The following STK39 variants were observed in gnomAD, a reference collection of about 807,000 sequenced individuals.
STK39 encodes STE20/SPS1-related proline-alanine-rich protein kinase.
A neutral mutation model predicts 77.8 loss-of-function variants in STK39; 20 were observed. That is an observed-to-expected ratio of 0.26 (90% CI 0.18 to 0.37). The LOEUF (loss-of-function observed/expected upper bound fraction) is 0.37. STK39 is among the 10% of genes least tolerant of loss of function. The pLI is 1.00. For missense variants in STK39, 479 were observed against 656.5 expected (o/e 0.73, Z 2.95); for synonymous variants, 246 against 234.1 (o/e 1.05, Z -0.47).
intron 14 of STK39, among the ~76,000 whole-genome samples, chr2:168,046,906 G>A (rs1404808159): frequency 6.6e-6 from 1 of 152,086 alleles, no homozygotes; most frequent in African/African-American, 2.4e-5. Flanking sequence ...GATGGGAAGG[G>A]AAGATCTGAC....
chr2:168,100,742 CTT>C (rs1387035219), intron 10 of STK39, among the ~76,000 whole-genome samples: 1 of 152,184 alleles, frequency 6.6e-6, no homozygotes, highest in Non-Finnish European at 1.5e-5. Flanking sequence ...AGTAGGAACT[CTT>C]TTACACTGTT....
intron 8 of STK39, among the ~76,000 whole-genome samples, chr2:168,131,124 T>C (rs1687686644): frequency 6.6e-6 from 1 of 152,182 alleles, no homozygotes; most frequent in Admixed American, 6.5e-5. Flanking sequence ...TTATAAGAAA[T>C]GCAAGCTAAA....
At chr2:168,188,589 T>C (rs559435919) in intron 1 of STK39, among the ~76,000 whole-genome samples, 25 of 152,184 alleles carry the variant, frequency 1.6e-4, no homozygotes, top group Non-Finnish European at 2.9e-4. Flanking sequence ...AAGTGTGAAA[T>C]TGCCATTTTT....
intron 1 of STK39, among the ~76,000 whole-genome samples, chr2:168,236,520 C>T (rs1424818584): frequency 6.6e-6 from 1 of 152,118 alleles, no homozygotes; most frequent in Non-Finnish European, 1.5e-5. Context: ...ACATGAAGTC[C>T]TTGCCCATGC....
At chr2:167,966,943 T>C (rs1180325912) in intron 16 of STK39, among the ~76,000 whole-genome samples, 1 of 152,216 alleles carries the variant, frequency 6.6e-6, no homozygotes, top group Admixed American at 6.5e-5. Context: ...TCTTTTCCAG[T>C]AGCAATGCTC....
At chr2:168,158,112 T>C (rs1163176932) in intron 5 of STK39, among the ~76,000 whole-genome samples, 1 of 152,148 alleles carries the variant, frequency 6.6e-6, no homozygotes, top group African/African-American at 2.4e-5. Context: ...TAAAATGCTA[T>C]GCCGTGGGAA....
chr2:168,212,715 A>G (rs1239698043), intron 1 of STK39, among the ~76,000 whole-genome samples: 1 of 152,194 alleles, frequency 6.6e-6, no homozygotes, highest in Non-Finnish European at 1.5e-5. Context: ...TTTTGTAAAC[A>G]GTAAATTATA....
At chr2:168,201,506 C>T (rs1394408313) in intron 1 of STK39, among the ~76,000 whole-genome samples, 1 of 152,192 alleles carries the variant, frequency 6.6e-6, no homozygotes, top group African/African-American at 2.4e-5. Context: ...CGGCCTCACA[C>T]CCCTCAAACC....
At chr2:168,178,640 C>CA (rs1272251668) in intron 2 of STK39, among the ~76,000 whole-genome samples, 1 of 152,184 alleles carries the variant, frequency 6.6e-6, no homozygotes, top group African/African-American at 2.4e-5. Flanking sequence ...TTACAGTACT[C>CA]ATTTCAACAG....
chr2:168,157,594 G>A (rs558284509), intron 5 of STK39, among the ~76,000 whole-genome samples: 2 of 152,162 alleles, frequency 1.3e-5, no homozygotes, highest in South Asian at 2.1e-4. Context: ...CCTTCTGTTC[G>A]TGTCCTCACA....
At chr2:168,172,180 T>C (rs1688845727) in intron 2 of STK39, among the ~76,000 whole-genome samples, 1 of 152,216 alleles carries the variant, frequency 6.6e-6, no homozygotes, top group South Asian at 2.1e-4. Flanking sequence ...TCAAAGTTAA[T>C]TCAGTCTGTT....
intron 5 of STK39, among the ~76,000 whole-genome samples, chr2:168,141,254 G>A (rs1266943323): frequency 1.3e-5 from 2 of 152,148 alleles, no homozygotes; most frequent in African/African-American, 4.8e-5. Context: ...TGAGCATCCG[G>A]AAATGCTTGC....
chr2:168,111,245 T>C (rs1213320066), intron 10 of STK39, among the ~76,000 whole-genome samples: 1 of 152,218 alleles, frequency 6.6e-6, no homozygotes, highest in African/African-American at 2.4e-5. Context: ...TTGTTATTCA[T>C]ACCTTTATCA....
intron 7 of STK39, among the ~76,000 whole-genome samples, chr2:168,138,500 G>C (rs564380212): frequency 1.3e-5 from 2 of 152,158 alleles, no homozygotes; most frequent in South Asian, 2.1e-4. Context: ...GAACTGGCTC[G>C]TGTACTGCCT....
At chr2:168,021,477 C>G (rs1399578165) in intron 14 of STK39, among the ~76,000 whole-genome samples, 2 of 152,138 alleles carry the variant, frequency 1.3e-5, no homozygotes, top group African/African-American at 2.4e-5. Flanking sequence ...AAGAATTAAT[C>G]TTTTCAGACT....
intron 1 of STK39, among the ~76,000 whole-genome samples, chr2:168,214,725 G>C (rs898263644): frequency 3.3e-5 from 5 of 152,126 alleles, no homozygotes; most frequent in Non-Finnish European, 7.4e-5. Context: ...GGTTGACTAA[G>C]GGGGAAAGGC....
intron 16 of STK39, among the ~76,000 whole-genome samples, chr2:167,965,134 A>AC (rs397962886): frequency 5.7e-5 from 5 of 88,440 alleles, no homozygotes; most frequent in African/African-American, 2.9e-4. Context: ...GAAAAAAAAA[A>AC]CAAAAAAAAA....
intron 7 of STK39, among the ~76,000 whole-genome samples, chr2:168,139,419 T>TATAC: frequency 6.7e-6 from 1 of 150,334 alleles, no homozygotes. Flanking sequence ...TATATATATA[T>TATAC]ATATAAAAAC....
At chr2:168,009,143 T>C (rs1405082315) in intron 16 of STK39, among the ~76,000 whole-genome samples, 1 of 152,172 alleles carries the variant, frequency 6.6e-6, no homozygotes, top group Non-Finnish European at 1.5e-5. Flanking sequence ...TTGATAAGTT[T>C]AGCTGTTAAG....
Sources: gnomAD v4.1 joint callset for allele counts (sites outside exome capture counted in the v4.1 genomes callset) on GRCh38, gnomAD v4.1.1 for gene constraint, MANE v1.5 for transcripts, NCBI Gene and HGNC (gene_info 2026-07-23, HGNC 2026-07-21) for gene names.